Variants in SNX6 observed in about 807,000 individuals in gnomAD.
SNX6 encodes the protein sorting nexin 6.
A neutral mutation model predicts 63.0 loss-of-function variants in SNX6; 34 were observed. That is an observed-to-expected ratio of 0.54 (90% confidence interval 0.41 to 0.72). The LOEUF is 0.72. Among genes scored for constraint, SNX6 ranks in the 30% least tolerant of loss-of-function variants. SNX6 has a pLI of 0.00. For synonymous variants in SNX6, 170 were observed against 164.2 expected, an observed-to-expected ratio of 1.04 and a Z score of -0.27; for missense variants, 398 against 471.4, an observed-to-expected ratio of 0.84 and a Z score of 1.44.
intron 13 of SNX6, among the ~76,000 whole-genome samples, chr14:34,563,712 T>C (rs1881037049): frequency 6.6e-6 from 1 of 151,028 alleles, no homozygotes; most frequent in African/African-American, 2.4e-5. Context: ...TAATACTTTC[T>C]ACATACCAGA....
chr14:34,601,924 C>A (rs1487901758), intron 6 of SNX6, among the ~76,000 whole-genome samples: 5 of 152,000 alleles, frequency 3.3e-5, no homozygotes, highest in Non-Finnish European at 5.9e-5. Flanking sequence ...AACTATCATT[C>A]TGTCAATTAA....
At chr14:34,595,918 A>G (rs926468317) in intron 7 of SNX6, among the ~76,000 whole-genome samples, 1 of 152,186 alleles carries the variant, frequency 6.6e-6, no homozygotes, top group Non-Finnish European at 1.5e-5. Flanking sequence ...AACATCATTA[A>G]GAAAAGTATA....
chr14:34,587,282 C>T (rs1437911727), intron 8 of SNX6, among the ~76,000 whole-genome samples: 1 of 151,640 alleles, frequency 6.6e-6, no homozygotes, highest in Admixed American at 6.6e-5. Context: ...CCTGTAATCC[C>T]AGCACTTTGG....
intron 2 of SNX6, among the ~76,000 whole-genome samples, chr14:34,628,143 A>C (rs77959837): frequency 0.071 from 10,794 of 152,082 alleles, 814 homozygotes; most frequent in African/African-American, 0.19. Flanking sequence ...TGGCCTGGGC[A>C]ACATGGTGAG....
At chr14:34,575,197 T>C (rs897092765) in intron 11 of SNX6, among the ~76,000 whole-genome samples, 2 of 12,932 alleles carry the variant, frequency 1.5e-4, no homozygotes, top group African/African-American at 2.4e-4. Flanking sequence ...CTGGCCTCAA[T>C]TTTTTTTTTT....
At chr14:34,604,079 G>A in intron 5 of SNX6, 5 of 1,116,276 alleles carry the variant, frequency 4.5e-6, no homozygotes, top group South Asian at 1.9e-5. Context: ...AACATTCAAG[G>A]AAAAGGCTTG....
intron 8 of SNX6, 69 bp from the exon 9 acceptor site, chr14:34,586,374 C>G: frequency 1.0e-6 from 1 of 982,168 alleles, no homozygotes; most frequent in Admixed American, 1.9e-5. Context: ...GAGCAATTAC[C>G]TCTCAAACAA....
At chr14:34,592,206 T>C (rs1318685516) in intron 8 of SNX6, among the ~76,000 whole-genome samples, 4 of 151,808 alleles carry the variant, frequency 2.6e-5, no homozygotes. Context: ...GCCAAGACTG[T>C]GAAACCCCAT....
At chr14:34,615,436 G>A (rs550429686) in intron 2 of SNX6, among the ~76,000 whole-genome samples, 18 of 152,274 alleles carry the variant, frequency 1.2e-4, no homozygotes, top group African/African-American at 4.3e-4. Flanking sequence ...TGCTCAGGCT[G>A]TTCTCGACCT....
chr14:34,581,147 A>G (rs1881917571), intron 10 of SNX6, among the ~76,000 whole-genome samples: 1 of 152,134 alleles, frequency 6.6e-6, no homozygotes, highest in Non-Finnish European at 1.5e-5. Flanking sequence ...AACGGTTAAC[A>G]GTGATTACTC....
At position 34,593,334 on chromosome 14, in the gene SNX6, G is replaced by C. The variant is rs140478972; in HGVS notation, c.613-184C>G. Among the ~76,000 whole-genome samples, 11 of 151,736 alleles carry C rather than the reference G, an allele frequency of 7.2e-5. No homozygotes were observed. The East Asian group carries it at 2.1e-3, about 29-fold the overall frequency. On this transcript the variant is annotated intron_variant, in intron 7 of 13. Coordinates refer to ENST00000362031, the MANE Select transcript of SNX6 (RefSeq NM_152233.4). ...ACATGCATTTCTATCTATCAAGTAA[G>C]AAATCTTCTATGACTTTGCAACTGA...
At chr14:34,565,134 G>C (rs1475178294) in intron 13 of SNX6, among the ~76,000 whole-genome samples, 4 of 148,334 alleles carry the variant, frequency 2.7e-5, no homozygotes, top group Non-Finnish European at 4.4e-5. Flanking sequence ...CTGGACTGCA[G>C]TGGCATGATC....
chr14:34,603,582 A>C lies in SNX6; in HGVS notation c.393-111T>G, dbSNP rs1160373795. ...GGATTATTCCGAATGCAAATCAGAG[A>C]TACAAAGATATAATTCATGTAAACA... is the stretch of plus-strand genomic sequence containing the variant. On this transcript the variant is annotated intron_variant, in intron 5 of 13. Coordinates refer to ENST00000362031, the MANE Select transcript of SNX6 (RefSeq NM_152233.4). The C allele has an allele frequency of 6.0e-6, 5 of 837,978 alleles. No homozygotes were observed. The East Asian group carries it at 1.5e-4, about 25-fold the overall frequency. 51.9% of individuals were successfully genotyped at this position (837,978 alleles called of 1,614,324 possible).
At chr14:34,628,149 G>T (rs1298128500) in intron 2 of SNX6, among the ~76,000 whole-genome samples, 1 of 151,994 alleles carries the variant, frequency 6.6e-6, no homozygotes, top group Non-Finnish European at 1.5e-5. Context: ...GGGCAACATG[G>T]TGAGACCCTG....
At chr14:34,580,579 G>A (rs923163565) in intron 10 of SNX6, among the ~76,000 whole-genome samples, 12 of 151,998 alleles carry the variant, frequency 7.9e-5, no homozygotes, top group South Asian at 2.1e-4. Context: ...CATTATGGGC[G>A]TGACCCACCT....
At chr14:34,616,888 T>C (rs1883436913) in intron 2 of SNX6, among the ~76,000 whole-genome samples, 1 of 151,892 alleles carries the variant, frequency 6.6e-6, no homozygotes, top group African/African-American at 2.4e-5. Context: ...CTGGCCAACA[T>C]GGTGAAACCT....
intron 6 of SNX6, among the ~76,000 whole-genome samples, chr14:34,597,980 C>G (rs1280922438): frequency 6.6e-6 from 1 of 152,124 alleles, no homozygotes; most frequent in Non-Finnish European, 1.5e-5. Context: ...AAAATTTTAA[C>G]AGACAATTAA....
At chr14:34,601,624 C>T (rs1722692618) in intron 6 of SNX6, among the ~76,000 whole-genome samples, 2 of 149,332 alleles carry the variant, frequency 1.3e-5, no homozygotes, top group South Asian at 4.3e-4. Flanking sequence ...ATGGGAATTT[C>T]AGTCTTGTCC....
intron 2 of SNX6, chr14:34,629,672 C>A: frequency 1.4e-6 from 1 of 728,648 alleles, no homozygotes; most frequent in South Asian, 1.5e-5. Context: ...CCAGAAGGCC[C>A]GAACAGCGGC....
Sources: gnomAD v4.1 joint callset for allele counts (sites outside exome capture counted in the v4.1 genomes callset) on GRCh38, gnomAD v4.1.1 for gene constraint, MANE v1.5 for transcripts, NCBI Gene and HGNC (gene_info 2026-07-23, HGNC 2026-07-21) for gene names.